The following FCHSD2 variants were observed in gnomAD, a reference collection of about 807,000 sequenced individuals.
FCHSD2 encodes the protein F-BAR and double SH3 domains protein 2.
Under a neutral mutation model 108.1 loss-of-function variants are expected in FCHSD2, and 38 were observed. That is an observed-to-expected ratio of 0.35 (90% CI 0.27 to 0.46). FCHSD2 has a LOEUF of 0.46. FCHSD2 is among the 20% of genes least tolerant of loss of function. The pLI, the probability that FCHSD2 is intolerant of heterozygous loss-of-function variation, is 1.00. For missense variants in FCHSD2, 751 were observed against 897.8 expected, an observed-to-expected ratio of 0.84 and a Z score of 2.09; for synonymous variants, 279 against 314.7, an observed-to-expected ratio of 0.89 and a Z score of 1.20.
At chr11:73,000,658 T>C (rs1247513062) in intron 5 of FCHSD2, among the ~76,000 whole-genome samples, 2 of 152,204 alleles carry the variant, frequency 1.3e-5, no homozygotes, top group Non-Finnish European at 1.5e-5. Context: ...GTGGGATTAA[T>C]AACCTTGTAA....
rs1301926163 is a variant in FCHSD2 at position 73,053,161 on chromosome 11, T to TG, written c.165+30533_165+30534insC. ...GCACCCAGCCTTTTTTTTTTTTTTT[T>TG]TTTTTGGTCCATAATTTTCAATGAA... On this transcript the variant is annotated intron_variant, in intron 3 of 19. Transcript: ENST00000409418. Among the ~76,000 whole-genome samples the TG allele has an allele frequency of 3.3e-5, 5 of 151,328 alleles. No homozygotes were observed. In the East Asian group the frequency reaches 9.6e-4, roughly 29 times the overall value.
intron 12 of FCHSD2, among the ~76,000 whole-genome samples, chr11:72,879,656 C>T (rs1163509155): frequency 1.3e-5 from 2 of 152,004 alleles, no homozygotes; most frequent in African/African-American, 2.4e-5. Context: ...AGTTTATACA[C>T]TATAGAGGAA....
intron 3 of FCHSD2, among the ~76,000 whole-genome samples, chr11:73,042,626 G>C (rs1373665010): frequency 6.6e-6 from 1 of 152,100 alleles, no homozygotes; most frequent in Non-Finnish European, 1.5e-5. Context: ...AGACTGCATT[G>C]AATCTGTTGA....
intron 10 of FCHSD2, among the ~76,000 whole-genome samples, chr11:72,890,365 A>G (rs1021915161): frequency 1.4e-5 from 2 of 141,648 alleles, no homozygotes; most frequent in Non-Finnish European, 1.5e-5. Context: ...GAATCATTAA[A>G]GAGAAGTAAG....
chr11:72,907,047 C>T (rs929203624), intron 9 of FCHSD2, among the ~76,000 whole-genome samples: 4 of 151,902 alleles, frequency 2.6e-5, no homozygotes, highest in South Asian at 2.1e-4. Flanking sequence ...TCTTTTATTT[C>T]GTTGAGCCCT....
At chr11:72,849,658 TTA>T in intron 14 of FCHSD2, 95 bp downstream of exon 14, 1 of 968,650 alleles carries the variant, frequency 1.0e-6, no homozygotes, top group Non-Finnish European at 1.6e-6. Context: ...AATAACAATT[TTA>T]TGCTAAGTAC....
intron 2 of FCHSD2, among the ~76,000 whole-genome samples, chr11:73,125,146 T>C (rs939216938): frequency 6.6e-6 from 1 of 152,206 alleles, no homozygotes; most frequent in African/African-American, 2.4e-5. Flanking sequence ...GGAAGTTCCT[T>C]AAGCTGAAAG....
At chr11:73,135,828 T>C (rs1202602692) in intron 2 of FCHSD2, among the ~76,000 whole-genome samples, 1 of 152,192 alleles carries the variant, frequency 6.6e-6, no homozygotes, top group African/African-American at 2.4e-5. Context: ...GTATCATAAT[T>C]GGTCTCCTCC....
intron 3 of FCHSD2, among the ~76,000 whole-genome samples, chr11:73,075,823 T>C (rs774585542): frequency 2.1e-5 from 3 of 146,082 alleles, no homozygotes; most frequent in Non-Finnish European, 4.5e-5. Context: ...AAAGAAAAAA[T>C]CATTAAACAC....
intron 10 of FCHSD2, among the ~76,000 whole-genome samples, chr11:72,900,774 A>G (rs924559583): frequency 4.6e-5 from 7 of 152,192 alleles, no homozygotes; most frequent in Non-Finnish European, 8.8e-5. Flanking sequence ...GAGCTACTTA[A>G]AGTATAAGAA....
In FCHSD2 at chr11:72,988,849, T is replaced by A. The variant is rs536937294; in HGVS notation, c.521+115A>T. The A allele has an allele frequency of 1.6e-5, 13 of 793,542 alleles. No homozygotes were observed. In the African/African-American group the frequency reaches 2.2e-4, roughly 14 times the overall value. The allele number at this position is 793,542 out of a possible 1,614,324, so 49.2% of individuals were successfully genotyped here. A position where few individuals can be genotyped will look rare whatever the true frequency, so the allele number is the denominator to read the frequency against. On this transcript the variant is annotated intron_variant, in intron 6 of 19. Coordinates refer to ENST00000409418, the MANE Select transcript of FCHSD2 (RefSeq NM_014824.3). ...AAGTATATAACACATGTAGGTCAAA[T>A]GAAACCACCACTACCTGAGAATGGG... is the stretch of plus-strand genomic sequence containing the variant.
intron 9 of FCHSD2, among the ~76,000 whole-genome samples, chr11:72,911,958 T>C (rs2135294051): frequency 6.6e-6 from 1 of 152,384 alleles, no homozygotes; most frequent in Non-Finnish European, 1.5e-5. Context: ...GAATGCTTAC[T>C]GTTCACATAT....
chr11:72,937,683 C>T (rs776138680), intron 8 of FCHSD2, among the ~76,000 whole-genome samples: 1 of 152,162 alleles, frequency 6.6e-6, no homozygotes, highest in Non-Finnish European at 1.5e-5. Context: ...AAGAACTATG[C>T]TTAGCATTAA....
In FCHSD2 at chr11:72,991,475, C is replaced by A. The variant is rs543118927; in HGVS notation, c.388-2378G>T. 7.9e-5 allele frequency among the ~76,000 whole-genome samples: 12 copies of A among 152,290 alleles called. No homozygotes were observed. In the East Asian group the frequency reaches 2.3e-3, roughly 29 times the overall value. ...GCAAAAATCCTCAATAAAATACTGGCAAACCAAATCCAGCAGCACACCAAA... is the reference window on the plus strand; with the variant it reads ...GCAAAAATCCTCAATAAAATACTGGAAAACCAAATCCAGCAGCACACCAAA... On this transcript the variant is annotated intron_variant, in intron 5 of 19. Transcript: ENST00000409418.
intron 3 of FCHSD2, among the ~76,000 whole-genome samples, chr11:73,025,944 A>C (rs1195496892): frequency 6.6e-6 from 1 of 152,148 alleles, no homozygotes; most frequent in Non-Finnish European, 1.5e-5. Context: ...TTGACTAAAA[A>C]ACACAGATAT....
intron 9 of FCHSD2, among the ~76,000 whole-genome samples, chr11:72,913,002 A>G (rs990845777): frequency 6.6e-6 from 1 of 152,170 alleles, no homozygotes; most frequent in Admixed American, 6.5e-5. Context: ...ATCATGGCAG[A>G]AGGCAAAGGG....
intron 4 of FCHSD2, among the ~76,000 whole-genome samples, chr11:73,004,117 A>ACTCC: frequency 1.3e-5 from 2 of 150,714 alleles, no homozygotes; most frequent in Admixed American, 6.6e-5. Flanking sequence ...TCCAAAAAAA[A>ACTCC]AAAAAAAAAA....
chr11:72,960,907 T>C (rs986792222), intron 8 of FCHSD2, among the ~76,000 whole-genome samples: 6 of 152,102 alleles, frequency 3.9e-5, no homozygotes, highest in Non-Finnish European at 8.8e-5. Context: ...AGAAAGTAAA[T>C]TATGCTTAGG....
intron 9 of FCHSD2, among the ~76,000 whole-genome samples, chr11:72,907,959 A>G (rs1429904536): frequency 6.6e-6 from 1 of 152,146 alleles, no homozygotes; most frequent in African/African-American, 2.4e-5. Flanking sequence ...GTCATCGAAT[A>G]TAGATCTTAT....
Sources: allele counts gnomAD v4.1 joint callset (sites outside exome capture counted in the v4.1 genomes callset), GRCh38; gene constraint gnomAD v4.1.1; transcripts MANE v1.5; gene names NCBI Gene and HGNC (gene_info 2026-07-23, HGNC 2026-07-21).